The following CAMK4 variants were observed in gnomAD, a reference collection of about 807,000 sequenced individuals.
CAMK4 encodes calcium/calmodulin-dependent protein kinase type IV.
CAMK4 carries 22 observed loss-of-function variants against 44.9 expected under a neutral mutation model. The observed-to-expected ratio is 0.49, with a 90% CI of 0.35 to 0.70. CAMK4 has a LOEUF of 0.70. Among genes scored for constraint, CAMK4 ranks in the 30% least tolerant of loss-of-function variants. The probability of loss-of-function intolerance (pLI) is 0.01; values close to 1 mark genes in which losing one functional copy is unlikely to be tolerated. For missense variants in CAMK4, 498 were observed against 586.8 expected, an observed-to-expected ratio of 0.85 and a Z score of 1.56; for synonymous variants, 218 against 215.4, an observed-to-expected ratio of 1.01 and a Z score of -0.11.
chr5:111,441,799 A>T (rs373147135), intron 5 of CAMK4, among the ~76,000 whole-genome samples: 2 of 152,218 alleles, frequency 1.3e-5, no homozygotes, highest in East Asian at 3.8e-4. Context: ...AAAATCAACA[A>T]TATCTTGGTA....
chr5:111,294,846 T>C (rs1293699490), intron 1 of CAMK4, among the ~76,000 whole-genome samples: 3 of 152,158 alleles, frequency 2.0e-5, no homozygotes, highest in African/African-American at 7.2e-5. Flanking sequence ...AAGCTATTAT[T>C]ATCATGAATG....
intron 2 of CAMK4, among the ~76,000 whole-genome samples, chr5:111,356,981 G>T (rs1750389377): frequency 6.6e-6 from 1 of 152,044 alleles, no homozygotes; most frequent in Non-Finnish European, 1.5e-5. Flanking sequence ...CAGACCATGA[G>T]CTAGAGCACC....
At chr5:111,437,991 TG>T (rs891207346) in intron 5 of CAMK4, among the ~76,000 whole-genome samples, 2 of 152,188 alleles carry the variant, frequency 1.3e-5, no homozygotes, top group African/African-American at 4.8e-5. Context: ...GCCATCCAGC[TG>T]GAGTACTGCT....
At position 111,240,975 on chromosome 5, in the gene CAMK4, G is replaced by C. The variant is rs186221221; in HGVS notation, c.161+16331G>C. On this transcript the variant is annotated intron_variant, in intron 1 of 10. Transcript: ENST00000282356. ...TAATGAATCTTTTAAATTGTAACAA[G>C]CCCCATTTTCTCCTCTGTAGAATGA... Among the ~76,000 whole-genome samples, 14 of 152,128 alleles carry C rather than the reference G, an allele frequency of 9.2e-5. No homozygotes were observed. In the East Asian group the frequency reaches 2.7e-3, roughly 29 times the overall value.
At chr5:111,283,403 T>G (rs1751103423) in intron 1 of CAMK4, among the ~76,000 whole-genome samples, 1 of 152,244 alleles carries the variant, frequency 6.6e-6, no homozygotes, top group South Asian at 2.1e-4. Context: ...TAATCACTGC[T>G]TGATTCAGTT....
intron 2 of CAMK4, 118 bp from the exon 3 acceptor site, chr5:111,374,731 TA>T (rs772202997): frequency 2.3e-5 from 15 of 657,558 alleles, no homozygotes; most frequent in Non-Finnish European, 3.6e-5. Context: ...ACACAAAAGC[TA>T]AGGAATTAGG....
At chr5:111,428,917 G>A (rs541075429) in intron 5 of CAMK4, among the ~76,000 whole-genome samples, 35 of 152,172 alleles carry the variant, frequency 2.3e-4, no homozygotes, top group African/African-American at 6.5e-4. Flanking sequence ...TTCAAACTCC[G>A]AAAGGTCAAG....
intron 1 of CAMK4, among the ~76,000 whole-genome samples, chr5:111,293,364 A>G (rs1220728817): frequency 3.9e-5 from 6 of 152,154 alleles, no homozygotes; most frequent in Non-Finnish European, 7.4e-5. Context: ...AAGGTTATAT[A>G]TAAACTTTTG....
intron 1 of CAMK4, among the ~76,000 whole-genome samples, chr5:111,249,251 C>T (rs1749372162): frequency 6.6e-6 from 1 of 152,020 alleles, no homozygotes; most frequent in Admixed American, 6.5e-5. Flanking sequence ...TAAAACCCAG[C>T]CCTGTAAAAC....
At chr5:111,277,224 A>C (rs187135190) in intron 1 of CAMK4, among the ~76,000 whole-genome samples, 2 of 152,240 alleles carry the variant, frequency 1.3e-5, no homozygotes, top group Admixed American at 6.5e-5. Flanking sequence ...TGAGATGTCA[A>C]CTGTGGTTTT....
At chr5:111,410,465 A>G (rs542178721) in intron 5 of CAMK4, among the ~76,000 whole-genome samples, 3 of 152,308 alleles carry the variant, frequency 2.0e-5, no homozygotes, top group Non-Finnish European at 4.4e-5. Context: ...TTGGGTAGAG[A>G]CACAGCCAAG....
intron 1 of CAMK4, among the ~76,000 whole-genome samples, chr5:111,332,584 TAAG>T (rs1031150324): frequency 1.1e-4 from 16 of 151,622 alleles, no homozygotes; most frequent in African/African-American, 3.6e-4. Flanking sequence ...ACCTCAGTCT[TAAG>T]GAGAGTGTTC....
At chr5:111,462,366 C>T (rs149790719) in intron 7 of CAMK4, among the ~76,000 whole-genome samples, 6 of 152,256 alleles carry the variant, frequency 3.9e-5, no homozygotes, top group African/African-American at 1.2e-4. Context: ...GTCTACATCC[C>T]CCACCCAGCT....
At chr5:111,376,565 A>T (rs1238826574) in intron 3 of CAMK4, among the ~76,000 whole-genome samples, 1 of 152,116 alleles carries the variant, frequency 6.6e-6, no homozygotes, top group Non-Finnish European at 1.5e-5. Flanking sequence ...ACAATTCAGA[A>T]GTTGGGATGT....
intron 5 of CAMK4, among the ~76,000 whole-genome samples, chr5:111,401,381 A>C (rs1407641966): frequency 6.6e-6 from 1 of 152,194 alleles, no homozygotes; most frequent in African/African-American, 2.4e-5. Context: ...CAGGAACTAC[A>C]AGGAAATGGG....
Position 111,482,651 on chromosome 5 carries a change from T to A in CAMK4, c.829-134T>A. On this transcript the variant is annotated intron_variant, in intron 9 of 10. Transcript: ENST00000282356. The surrounding 1 kb of genome is among the most constrained non-coding windows in gnomAD (Gnocchi z 4.9). ...CCTACCTACAGTGGCCCCTGAGGACTTAAACAATTTTTTTCTCACATATAT... is the reference window on the plus strand; with the variant it reads ...CCTACCTACAGTGGCCCCTGAGGACATAAACAATTTTTTTCTCACATATAT... The A allele has an allele frequency of 1.5e-6, 1 of 679,940 alleles. No homozygotes were observed. 42.1% of individuals were successfully genotyped at this position (679,940 alleles called of 1,614,324 possible).
At chr5:111,369,828 ATGC>A (rs1311558672) in intron 2 of CAMK4, among the ~76,000 whole-genome samples, 1 of 152,148 alleles carries the variant, frequency 6.6e-6, no homozygotes, top group African/African-American at 2.4e-5. Flanking sequence ...TAATATGTAA[ATGC>A]TATGTAAACA....
intron 1 of CAMK4, among the ~76,000 whole-genome samples, chr5:111,230,894 G>A (rs1168521072): frequency 6.6e-6 from 1 of 151,332 alleles, no homozygotes; most frequent in Non-Finnish European, 1.5e-5. Flanking sequence ...TATTGATTTT[G>A]TAAAATTTCA....
chr5:111,269,205 T>G (rs1464558107), intron 1 of CAMK4, among the ~76,000 whole-genome samples: 1 of 152,228 alleles, frequency 6.6e-6, no homozygotes, highest in Non-Finnish European at 1.5e-5. Context: ...TGAGCTGATC[T>G]TCTGCAATGA....
Sources: gnomAD v4.1 joint callset for allele counts (sites outside exome capture counted in the v4.1 genomes callset) on GRCh38, gnomAD v4.1.1 for gene constraint, Gnocchi (gnomAD v3.1) non-coding constraint, MANE v1.5 for transcripts, NCBI Gene and HGNC (gene_info 2026-07-23, HGNC 2026-07-21) for gene names.